The following FCRL2 variants were observed in gnomAD, a reference collection of about 807,000 sequenced individuals.
FCRL2 encodes the protein Fc receptor like 2.
A neutral mutation model predicts 59.8 loss-of-function variants in FCRL2; 48 were observed. The ratio of observed to expected loss-of-function variants is 0.80; its 90% CI spans 0.64 to 1.02. FCRL2 has a LOEUF of 1.02. Ranked by LOEUF, FCRL2 falls within the 50% of genes least tolerant of loss-of-function variation. The pLI is 0.00. For synonymous variants in FCRL2, 251 were observed against 229.5 expected, an observed-to-expected ratio of 1.09 and a Z score of -0.85; for missense variants, 658 against 597.3, an observed-to-expected ratio of 1.10 and a Z score of -1.06.
In FCRL2 at chr1:157,746,457, C is replaced by T. The variant is rs548387677; in HGVS notation, c.*279G>A. On this transcript the variant is annotated 3_prime_UTR_variant, in exon 12 of 12. Transcript: ENST00000361516. ...TGAGACCTTGTATCTCTTATTCATT[C>T]TTCCCTCAAATCTTTACACACTGAT... 4 of 510,788 alleles carry T rather than the reference C, an allele frequency of 7.8e-6. No individual in the cohort carries two copies. Among genetic ancestry groups the T allele is most frequent in the South Asian group, 7.4e-5 (3 of 40,342 alleles). 31.6% of individuals were successfully genotyped at this position (510,788 alleles called of 1,614,324 possible).
chr1:157,765,415 G>A (rs1649415290), intron 7 of FCRL2, among the ~76,000 whole-genome samples: 1 of 152,148 alleles, frequency 6.6e-6, no homozygotes, highest in Non-Finnish European at 1.5e-5. Flanking sequence ...AAATTGAAGA[G>A]AAGGCAATTC....
At chr1:157,746,985 A>T in intron 10 of FCRL2, 86 bp from the exon 11 acceptor site, 4 of 1,352,388 alleles carry the variant, frequency 3.0e-6, no homozygotes, top group Non-Finnish European at 3.1e-6. Context: ...GCATAGAACT[A>T]CTATGCTTAG....
intron 7 of FCRL2, among the ~76,000 whole-genome samples, chr1:157,753,795 C>T (rs1038762604): frequency 6.6e-6 from 1 of 152,106 alleles, no homozygotes; most frequent in Admixed American, 6.6e-5. Context: ...TTGAAGCTAT[C>T]CAGGAGCCCC....
At chr1:157,748,074 G>T (rs138021259) in intron 10 of FCRL2, among the ~76,000 whole-genome samples, 2 of 151,694 alleles carry the variant, frequency 1.3e-5, no homozygotes, top group East Asian at 1.9e-4. Flanking sequence ...GGTGTCTCTT[G>T]CTCCCTCCTG....
chr1:157,746,261 C>T lies in FCRL2; in HGVS notation c.*475G>A, dbSNP rs576903608. On this transcript the variant is annotated 3_prime_UTR_variant, in exon 12 of 12. Coordinates refer to ENST00000361516, the MANE Select transcript of FCRL2 (RefSeq NM_030764.4). ...CTATGAAGCCAGCATCAGCCTGATACAAACATTCTGGCAGAGACACAGTGG... is the reference window on the plus strand; with the variant it reads ...CTATGAAGCCAGCATCAGCCTGATATAAACATTCTGGCAGAGACACAGTGG... 1.9e-5 allele frequency: 3 copies of T among 158,028 alleles called. No homozygotes were observed. The highest frequency in any genetic ancestry group is 7.2e-5 in the African/African-American group (3 of 41,616). 9.8% of individuals were successfully genotyped at this position (158,028 alleles called of 1,614,324 possible).
chr1:157,748,896 GC>G lies in FCRL2; in HGVS notation c.1371del (p.Glu457AspfsTer12), dbSNP rs1647967661. The G allele has an allele frequency of 6.2e-7, 1 of 1,613,770 alleles. No homozygotes were observed. The highest frequency in any genetic ancestry group is 8.5e-7 in the Non-Finnish European group (1 of 1,179,920). On this transcript the variant is annotated frameshift_variant, in exon 9 of 12. Transcript: ENST00000361516. LOFTEE classifies it high-confidence loss of function. The stretch of plus-strand genomic sequence containing the variant: ...TCACCATTGACATACACTGGCTGCA[GC>G]TCCTCCATGTCTGGGGTTGGGCTTG... ...TYSSPTPDME[E>X]LQPVYVNVGS... is the part of the protein sequence containing the mutation.
At position 157,755,555 on chromosome 1, in the gene FCRL2, CT is replaced by C. The variant is rs375320913; in HGVS notation, c.1280-5879del. 2.6e-3 allele frequency among the ~76,000 whole-genome samples: 390 copies of C among 152,184 alleles called. 1 individual carries two copies. Among genetic ancestry groups the C allele is most frequent in the Non-Finnish European group, 4.8e-3 (327 of 67,982 alleles). ...ATACTGTACATGTAAGAAATGACAT[CT>C]AAAAGAAAAATTATCGTAGCATTGT... On this transcript the variant is annotated intron_variant, in intron 7 of 11. Coordinates refer to ENST00000361516, the MANE Select transcript of FCRL2 (RefSeq NM_030764.4).
At chr1:157,755,159 C>G (rs971624790) in intron 7 of FCRL2, among the ~76,000 whole-genome samples, 2 of 152,098 alleles carry the variant, frequency 1.3e-5, no homozygotes, top group Admixed American at 6.5e-5. Flanking sequence ...ACTGGGGACA[C>G]TTTTCACTCT....
intron 5 of FCRL2, chr1:157,767,733 G>A: frequency 6.6e-7 from 1 of 1,503,836 alleles, no homozygotes; most frequent in Non-Finnish European, 8.9e-7. Context: ...GTCATCTGTT[G>A]TTCTCATCTG....
chr1:157,752,506 C>T (rs532682362), intron 7 of FCRL2, among the ~76,000 whole-genome samples: 42 of 152,222 alleles, frequency 2.8e-4, no homozygotes, highest in African/African-American at 7.9e-4. Context: ...GCATGAAAAC[C>T]GACTAATACA....
At chr1:157,754,334 C>A (rs183512523) in intron 7 of FCRL2, among the ~76,000 whole-genome samples, 1 of 152,272 alleles carries the variant, frequency 6.6e-6, no homozygotes. Context: ...CCACCAGTGG[C>A]ATGATGGTTT....
chr1:157,777,111 T>C lies in FCRL2; in HGVS notation c.-38A>G. On this transcript the variant is annotated 5_prime_UTR_variant, in exon 1 of 12. Coordinates refer to ENST00000361516, the MANE Select transcript of FCRL2 (RefSeq NM_030764.4). Reference sequence around the variant, plus strand: ...CAGCTATTTGAAAAGAGATGTACTCTTGGTCACCAACTGGAGACTCTGAGC... The same window carrying C: ...CAGCTATTTGAAAAGAGATGTACTCCTGGTCACCAACTGGAGACTCTGAGC... 6.2e-7 allele frequency: 1 copy of C among 1,614,152 alleles called. No homozygotes were observed. Among genetic ancestry groups the C allele is most frequent in the Non-Finnish European group, 8.5e-7 (1 of 1,179,986 alleles).
rs1177151790 is a variant in FCRL2 at position 157,775,791 on chromosome 1, T to G, written c.36A>C (p.Ala12=). 2 of 1,613,950 alleles carry G rather than the reference T, an allele frequency of 1.2e-6. No homozygotes were observed. The highest frequency in any genetic ancestry group is 8.5e-7 in the Non-Finnish European group (1 of 1,179,992). ...AGGACTCACCTGCCTGTTCAGTGACTGCATCTGTGAGGAGATCAAAAGCCA... is the reference window on the plus strand; with the variant it reads ...AGGACTCACCTGCCTGTTCAGTGACGGCATCTGTGAGGAGATCAAAAGCCA... ...LLWSLLVIFD[A]VTEQADSLTL... Residue 12 remains alanine, a synonymous_variant, in exon 2 of 12, where the codon GCA becomes GCC. Coordinates refer to ENST00000361516, the MANE Select transcript of FCRL2 (RefSeq NM_030764.4).
At chr1:157,775,697 C>T in intron 2 of FCRL2, 78 bp downstream of exon 2, 2 of 1,523,420 alleles carry the variant, frequency 1.3e-6, no homozygotes, top group Admixed American at 1.7e-5. Context: ...CTTTCCAGAG[C>T]CACCTCTATA....
chr1:157,754,971 AAAAAG>A (rs1648476348), intron 7 of FCRL2, among the ~76,000 whole-genome samples: 1 of 152,078 alleles, frequency 6.6e-6, no homozygotes, highest in Non-Finnish European at 1.5e-5. Context: ...GTCTCAAAAA[AAAAAG>A]AAAAGAAAAG....
At chr1:157,747,929 T>C (rs1647873469) in intron 10 of FCRL2, among the ~76,000 whole-genome samples, 2 of 152,218 alleles carry the variant, frequency 1.3e-5, no homozygotes. Flanking sequence ...ACATGCTCAC[T>C]CTTGCCTGAT....
chr1:157,766,343 C>T (rs1157162296), intron 7 of FCRL2, among the ~76,000 whole-genome samples: 8 of 151,842 alleles, frequency 5.3e-5, no homozygotes, highest in East Asian at 1.9e-4. Context: ...TGGTGGCGGG[C>T]GCCTGTAGTC....
chr1:157,767,614 C>T (rs772049292), intron 5 of FCRL2, 105 bp from the exon 6 acceptor site: 3 of 1,613,568 alleles, frequency 1.9e-6, no homozygotes, highest in South Asian at 1.1e-5. Flanking sequence ...ATGGCTGTTG[C>T]ATATTTTCCA....
chr1:157,775,290 C>T (rs1650318945), intron 2 of FCRL2, among the ~76,000 whole-genome samples: 2 of 152,154 alleles, frequency 1.3e-5, no homozygotes, highest in South Asian at 4.1e-4. Flanking sequence ...ACTCTCTTGC[C>T]TTTTACAGGA....
Sources: allele counts gnomAD v4.1 joint callset (sites outside exome capture counted in the v4.1 genomes callset), GRCh38; gene constraint gnomAD v4.1.1; transcripts MANE v1.5; gene names NCBI Gene and HGNC (gene_info 2026-07-23, HGNC 2026-07-21).